Variants in ADGRL3 observed in about 807,000 individuals in gnomAD.
ADGRL3 encodes the protein adhesion G protein-coupled receptor L3.
ADGRL3 carries 62 observed loss-of-function variants against 153.5 expected under a neutral mutation model. That is an observed-to-expected ratio of 0.40 (90% CI 0.33 to 0.50). The LOEUF (loss-of-function observed/expected upper bound fraction) is 0.50, where lower values mean the gene tolerates loss of function less well. ADGRL3 is among the 20% of genes least tolerant of loss of function. The pLI, the probability that ADGRL3 is intolerant of heterozygous loss-of-function variation, is 0.47. For synonymous variants in ADGRL3, 710 were observed against 672.5 expected, an observed-to-expected ratio of 1.06 and a Z score of -0.86; for missense variants, 1,641 against 1,859.4, an observed-to-expected ratio of 0.88 and a Z score of 2.16.
intron 4 of ADGRL3, among the ~76,000 whole-genome samples, chr4:61,559,225 C>T (rs2098783678): frequency 6.6e-6 from 1 of 152,082 alleles, no homozygotes; most frequent in Non-Finnish European, 1.5e-5. Flanking sequence ...ACGACCACCA[C>T]CCAAACCATT....
At chr4:61,635,532 A>T (rs2093381137) in intron 5 of ADGRL3, among the ~76,000 whole-genome samples, 1 of 152,100 alleles carries the variant, frequency 6.6e-6, no homozygotes, top group Non-Finnish European at 1.5e-5. Flanking sequence ...AGCACACAAG[A>T]ACTAAGAAAA....
chr4:61,207,647 T>G (rs1263904933), intron 1 of ADGRL3, among the ~76,000 whole-genome samples: 1 of 152,214 alleles, frequency 6.6e-6, no homozygotes, highest in Non-Finnish European at 1.5e-5. Context: ...ATGGTTGAAC[T>G]AATTTACACT....
chr4:61,560,573 G>A (rs1196981168), intron 4 of ADGRL3, among the ~76,000 whole-genome samples: 1 of 152,080 alleles, frequency 6.6e-6, no homozygotes, highest in Non-Finnish European at 1.5e-5. Flanking sequence ...AGGTCATTAA[G>A]TTAGCAGGGA....
At chr4:61,756,823 G>A (rs558780414) in intron 8 of ADGRL3, among the ~76,000 whole-genome samples, 95 of 152,232 alleles carry the variant, frequency 6.2e-4, no homozygotes, top group Non-Finnish European at 1.1e-3. Flanking sequence ...AGAGTTTTTA[G>A]CATGAAGGGT....
Position 62,073,795 on chromosome 4 carries a change from GAA to G in ADGRL3, c.*2892_*2893del, listed in dbSNP as rs1376807101. 1 of 151,880 alleles carries G rather than the reference GAA, an allele frequency of 6.6e-6. No homozygotes were observed. Among genetic ancestry groups the G allele is most frequent in the Non-Finnish European group, 1.5e-5 (1 of 67,966 alleles). The allele number at this position is 151,880 out of a possible 1,614,324, so 9.4% of individuals were successfully genotyped here. A position where few individuals can be genotyped will look rare whatever the true frequency, so the allele number is the denominator to read the frequency against. On this transcript the variant is annotated 3_prime_UTR_variant, in exon 27 of 27. Transcript: ENST00000683033. The stretch of plus-strand genomic sequence containing the variant: ...AGTTACTACCAAGCTCTTGCATCAA[GAA>G]AAAAGAGTGAGATTTTTGAACTCTA...
chr4:61,305,291 A>C (rs534715787), intron 1 of ADGRL3, among the ~76,000 whole-genome samples: 139 of 152,256 alleles, frequency 9.1e-4, no homozygotes, highest in African/African-American at 3.1e-3. Flanking sequence ...GAGGCTTCTC[A>C]GTAGCAACAC....
chr4:61,744,728 C>A (rs1333860262), intron 8 of ADGRL3, among the ~76,000 whole-genome samples: 5 of 152,088 alleles, frequency 3.3e-5, no homozygotes, highest in Non-Finnish European at 7.3e-5. Flanking sequence ...TCACCATCAT[C>A]AAAGACCAAA....
At chr4:61,749,331 A>G (rs2096719450) in intron 8 of ADGRL3, among the ~76,000 whole-genome samples, 2 of 151,994 alleles carry the variant, frequency 1.3e-5, no homozygotes, top group African/African-American at 4.8e-5. Context: ...AACTAGAAAT[A>G]CCAATTGACC....
intron 4 of ADGRL3, among the ~76,000 whole-genome samples, chr4:61,521,693 C>G (rs1004541654): frequency 2.0e-5 from 3 of 151,756 alleles, no homozygotes; most frequent in African/African-American, 4.8e-5. Flanking sequence ...GAGGGAAAAC[C>G]CAAAGGAGAA....
chr4:62,054,808 C>T (rs1359013983), intron 25 of ADGRL3, among the ~76,000 whole-genome samples: 1 of 151,378 alleles, frequency 6.6e-6, no homozygotes, highest in East Asian at 1.9e-4. Flanking sequence ...GAAATGTGGG[C>T]CAAAGATAAG....
chr4:61,823,830 G>C (rs906998488), intron 9 of ADGRL3, among the ~76,000 whole-genome samples: 1 of 152,116 alleles, frequency 6.6e-6, no homozygotes, highest in African/African-American at 2.4e-5. Flanking sequence ...GAGAGGATGA[G>C]GGGGGTGGTT....
At chr4:61,720,274 G>A (rs537510785) in intron 6 of ADGRL3, among the ~76,000 whole-genome samples, 2 of 151,984 alleles carry the variant, frequency 1.3e-5, no homozygotes, top group South Asian at 4.2e-4. Flanking sequence ...ATTTTTAGTA[G>A]AGATGGGGTT....
At chr4:61,320,385 C>T (rs1365104312) in intron 1 of ADGRL3, among the ~76,000 whole-genome samples, 1 of 152,114 alleles carries the variant, frequency 6.6e-6, no homozygotes, top group Admixed American at 6.6e-5. Flanking sequence ...ACAGAACTAA[C>T]AGGAGAGAAA....
intron 1 of ADGRL3, among the ~76,000 whole-genome samples, chr4:61,287,306 G>A (rs1205731536): frequency 6.6e-6 from 1 of 151,810 alleles, no homozygotes; most frequent in African/African-American, 2.4e-5. Flanking sequence ...GATATCGCCT[G>A]CAAGAGTAAA....
intron 25 of ADGRL3, among the ~76,000 whole-genome samples, chr4:62,058,909 A>C (rs1385431386): frequency 6.6e-6 from 1 of 152,186 alleles, no homozygotes; most frequent in East Asian, 1.9e-4. Flanking sequence ...AATAGACTTC[A>C]GCTAAGGCAA....
intron 5 of ADGRL3, among the ~76,000 whole-genome samples, chr4:61,630,503 G>A (rs1168956045): frequency 6.6e-6 from 1 of 152,130 alleles, no homozygotes; most frequent in Non-Finnish European, 1.5e-5. Flanking sequence ...GGTTGTTGTT[G>A]TTTATCTTCC....
intron 4 of ADGRL3, among the ~76,000 whole-genome samples, chr4:61,551,441 C>T (rs1044024965): frequency 6.6e-6 from 1 of 152,028 alleles, no homozygotes; most frequent in Non-Finnish European, 1.5e-5. Context: ...TTATTTTTCT[C>T]ATACATCAAA....
chr4:61,373,198 G>C (rs1008705252), intron 1 of ADGRL3, among the ~76,000 whole-genome samples: 1 of 152,168 alleles, frequency 6.6e-6, no homozygotes, highest in African/African-American at 2.4e-5. Flanking sequence ...TCGTCGCTCA[G>C]GCTGGGAGCT....
intron 1 of ADGRL3, among the ~76,000 whole-genome samples, chr4:61,374,033 C>G (rs2096573345): frequency 6.6e-6 from 1 of 152,054 alleles, no homozygotes; most frequent in Non-Finnish European, 1.5e-5. Flanking sequence ...TTAACTTTTG[C>G]TTCTCTGTAA....
Sources: allele counts gnomAD v4.1 joint callset (sites outside exome capture counted in the v4.1 genomes callset), GRCh38; gene constraint gnomAD v4.1.1; transcripts MANE v1.5; gene names NCBI Gene and HGNC (gene_info 2026-07-23, HGNC 2026-07-21).